Variants in TJP2 observed in about 807,000 individuals in gnomAD.
The protein encoded by TJP2 is tight junction protein 2.
TJP2 carries 91 observed loss-of-function variants against 133.1 expected under a neutral mutation model. The observed-to-expected ratio is 0.68, with a 90% CI of 0.58 to 0.81. The LOEUF (loss-of-function observed/expected upper bound fraction) is 0.81. Ranked by LOEUF, TJP2 falls within the 40% of genes least tolerant of loss-of-function variation. TJP2 has a pLI of 0.00. For missense variants in TJP2, 1,541 were observed against 1,565.6 expected, an observed-to-expected ratio of 0.98 and a Z score of 0.26; for synonymous variants, 592 against 583.4, an observed-to-expected ratio of 1.01 and a Z score of -0.21.
At chr9:69,130,015 C>CAAAAAAAAAAAAAA (rs11355311) in intron 1 of TJP2, among the ~76,000 whole-genome samples, 10 of 94,126 alleles carry the variant, frequency 1.1e-4, no homozygotes, top group Non-Finnish European at 2.0e-4. Context: ...AACTCTGCCT[C>CAAAAAAAAAAAAAA]AAAAAAAAAA....
At chr9:69,198,477 C>T (rs537004813) in intron 1 of TJP2, among the ~76,000 whole-genome samples, 3 of 152,228 alleles carry the variant, frequency 2.0e-5, no homozygotes, top group South Asian at 2.1e-4. Context: ...TTTAAATGCA[C>T]GCTAAAAAAT....
At chr9:69,232,425 G>C (rs1258719640) in intron 11 of TJP2, among the ~76,000 whole-genome samples, 1 of 152,172 alleles carries the variant, frequency 6.6e-6, no homozygotes, top group South Asian at 2.1e-4. Flanking sequence ...TAATCAAAGA[G>C]GATATTTATT....
chr9:69,230,107 A>AGAAGGG lies in TJP2; in HGVS notation c.1546_1547insGAAGGG (p.Lys516delinsArgArgGlu), dbSNP rs775339171. On this transcript the variant is annotated protein_altering_variant, in exon 11 of 23. Transcript: ENST00000377245. ...CCCTAATACCAAAATGGTAAGGTTCAAGAAGGGAGACAGCGTGGGCCTCCG... is the reference window on the plus strand; with the variant it reads ...CCCTAATACCAAAATGGTAAGGTTCAGAAGGGAGAAGGGAGACAGCGTGGGCCTCCG... The AGAAGGG allele has an allele frequency of 6.2e-7, 1 of 1,614,184 alleles. No homozygotes were observed. The highest frequency in any genetic ancestry group is 8.5e-7 in the Non-Finnish European group (1 of 1,180,026).
At chr9:69,210,254 A>G (rs1408741855) in intron 1 of TJP2, among the ~76,000 whole-genome samples, 4 of 136,068 alleles carry the variant, frequency 2.9e-5, no homozygotes, top group Admixed American at 1.7e-4. Context: ...ACACCCCTGC[A>G]TTCCAGCCTG....
chr9:69,178,771 C>T (rs1450339653), intron 1 of TJP2, among the ~76,000 whole-genome samples: 6 of 152,092 alleles, frequency 3.9e-5, no homozygotes, highest in Non-Finnish European at 7.4e-5. Context: ...TTTTAAAGGT[C>T]TGTTGGTATG....
chr9:69,158,613 G>T (rs1587930886), intron 2 of TJP2, among the ~76,000 whole-genome samples: 1 of 151,774 alleles, frequency 6.6e-6, no homozygotes, highest in Non-Finnish European at 1.5e-5. Context: ...TTCAAGACAG[G>T]GTCTTGCTCT....
intron 2 of TJP2, among the ~76,000 whole-genome samples, chr9:69,168,931 T>G (rs1824518120): frequency 6.6e-6 from 1 of 151,054 alleles, no homozygotes; most frequent in South Asian, 2.1e-4. Context: ...GTGATTATTG[T>G]GGGAGGAAGC....
intron 18 of TJP2, 66 bp downstream of exon 18, chr9:69,246,856 A>G (rs1417876612): frequency 1.5e-6 from 2 of 1,367,624 alleles, no homozygotes; most frequent in Non-Finnish European, 2.1e-6. Context: ...TCAAGAGGGC[A>G]GTGAATGTAG....
chr9:69,236,651 G>A (rs1830213116), intron 13 of TJP2, among the ~76,000 whole-genome samples: 1 of 152,168 alleles, frequency 6.6e-6, no homozygotes, highest in African/African-American at 2.4e-5. Flanking sequence ...ACCTAGAAAA[G>A]AGGCCTGTAT....
intron 5 of TJP2, among the ~76,000 whole-genome samples, chr9:69,222,301 G>A (rs1053282449): frequency 4.6e-5 from 7 of 151,222 alleles, no homozygotes; most frequent in African/African-American, 1.7e-4. Context: ...CTCAGTCTCC[G>A]AAGTAGGTGG....
At chr9:69,238,299 T>C (rs1830340016) in intron 15 of TJP2, among the ~76,000 whole-genome samples, 1 of 152,228 alleles carries the variant, frequency 6.6e-6, no homozygotes, top group South Asian at 2.1e-4. Context: ...TGATGTGGTG[T>C]GATTTTGTAT....
intron 1 of TJP2, among the ~76,000 whole-genome samples, chr9:69,198,993 C>G (rs1826796081): frequency 6.6e-6 from 1 of 152,160 alleles, no homozygotes; most frequent in Admixed American, 6.5e-5. Context: ...TCTGCCTTCT[C>G]TGGGAAAAAG....
chr9:69,200,085 G>A (rs1416202182), intron 1 of TJP2, among the ~76,000 whole-genome samples: 2 of 152,194 alleles, frequency 1.3e-5, no homozygotes, highest in Admixed American at 6.5e-5. Flanking sequence ...AGATTAAGCT[G>A]TTTTGACATG....
At chr9:69,192,070 A>T (rs1267331511) in intron 1 of TJP2, among the ~76,000 whole-genome samples, 1 of 151,920 alleles carries the variant, frequency 6.6e-6, no homozygotes, top group Non-Finnish European at 1.5e-5. Context: ...AGCTTATACC[A>T]CTGTTGATTG....
At chr9:69,123,222 G>T in intron 1 of TJP2, among the ~76,000 whole-genome samples, 2 of 16,564 alleles carry the variant, frequency 1.2e-4, no homozygotes, top group Non-Finnish European at 1.7e-4. Flanking sequence ...ACAGCCGCAT[G>T]GGTTAGAGCA....
At chr9:69,136,512 T>C (rs367803048) in intron 1 of TJP2, among the ~76,000 whole-genome samples, 44 of 152,278 alleles carry the variant, frequency 2.9e-4, no homozygotes, top group Admixed American at 5.9e-4. Context: ...TGAGAAAATA[T>C]AGAACCATTT....
At position 69,236,250 on chromosome 9, in the gene TJP2, C is replaced by T. The variant is rs372891264; in HGVS notation, c.1991+12C>T. ...CCCAACAAGAGCAGGTAACAGAGAT[C>T]GCATTCTCACATACCCCTTTTAATC... On this transcript the variant is annotated intron_variant, in intron 13 of 22. Coordinates refer to ENST00000377245, the MANE Select transcript of TJP2 (RefSeq NM_004817.4). 18 of 1,612,936 alleles carry T rather than the reference C, an allele frequency of 1.1e-5. No individual in the cohort carries two copies. The highest frequency in any genetic ancestry group is 4.0e-5 in the African/African-American group (3 of 74,856).
At chr9:69,147,587 C>G (rs1050299501) in intron 1 of TJP2, among the ~76,000 whole-genome samples, 1 of 152,100 alleles carries the variant, frequency 6.6e-6, no homozygotes, top group African/African-American at 2.4e-5. Context: ...AGGGATTCGG[C>G]CTAAACAAGC....
At chr9:69,166,974 C>T (rs1824391397) in intron 2 of TJP2, among the ~76,000 whole-genome samples, 1 of 151,416 alleles carries the variant, frequency 6.6e-6, no homozygotes, top group Non-Finnish European at 1.5e-5. Flanking sequence ...GGCTCACGCC[C>T]ATAATCCTAG....
Sources: gnomAD v4.1 joint callset for allele counts (sites outside exome capture counted in the v4.1 genomes callset) on GRCh38, gnomAD v4.1.1 for gene constraint, MANE v1.5 for transcripts, NCBI Gene and HGNC (gene_info 2026-07-23, HGNC 2026-07-21) for gene names.